The following ZDHHC11B variants were observed in gnomAD, a reference collection of about 807,000 sequenced individuals.
ZDHHC11B encodes zDHHC palmitoyltransferase 11B (putative), also known as probable palmitoyltransferase ZDHHC11B.
ZDHHC11B carries 17 observed loss-of-function variants against 42.3 expected under a neutral mutation model. The ratio of observed to expected loss-of-function variants is 0.40; its 90% CI spans 0.27 to 0.60. The LOEUF (loss-of-function observed/expected upper bound fraction) is 0.60. Ranked by LOEUF, ZDHHC11B falls within the 20% of genes least tolerant of loss-of-function variation. The pLI, the probability that ZDHHC11B is intolerant of heterozygous loss-of-function variation, is 0.41. For synonymous variants in ZDHHC11B, 123 were observed against 193.5 expected, an observed-to-expected ratio of 0.64 and a Z score of 3.02; for missense variants, 262 against 463.2, an observed-to-expected ratio of 0.57 and a Z score of 3.99.
intron 10 of ZDHHC11B, 82 bp from the exon 11 acceptor site, chr5:733,921 G>A (rs112722347): frequency 1.1e-4 from 135 of 1,205,690 alleles, no homozygotes; most frequent in African/African-American, 1.1e-3. Context: ...GCACCGCGTC[G>A]TGTCAGCACC....
rs1354077452 is a variant in ZDHHC11B, at chr5:753,373, C to T, written c.503+1625G>A. On this transcript the variant is annotated intron_variant, in intron 6 of 13. Transcript: ENST00000508859. Reference sequence around the variant, plus strand: ...GTTGGCTGCTGCCTGGAGCTGAGGGCGCCCATGACCCCGGCCCTGCTCTCC... The same window carrying T: ...GTTGGCTGCTGCCTGGAGCTGAGGGTGCCCATGACCCCGGCCCTGCTCTCC... Among the ~76,000 whole-genome samples the T allele has an allele frequency of 2.1e-4, 27 of 130,740 alleles. 2 individuals are homozygous for T. Among genetic ancestry groups the T allele is most frequent in the African/African-American group, 5.2e-4 (21 of 40,146 alleles). 85.8% of individuals were successfully genotyped at this position (130,740 alleles called of 152,430 possible).
intron 1 of ZDHHC11B, among the ~76,000 whole-genome samples, chr5:776,859 G>C (rs1323673389): frequency 6.6e-6 from 1 of 151,862 alleles, no homozygotes; most frequent in Non-Finnish European, 1.5e-5. Context: ...TTTGGCAGAT[G>C]GTTCTTGTTT....
chr5:712,705 C>T (rs1439272785), intron 13 of ZDHHC11B, among the ~76,000 whole-genome samples: 2 of 151,208 alleles, frequency 1.3e-5, no homozygotes, highest in Admixed American at 6.6e-5. Context: ...GTCAGGAGAT[C>T]GAGACCTTCC....
chr5:776,444 G>T (rs1346349555), intron 1 of ZDHHC11B, among the ~76,000 whole-genome samples: 1 of 151,890 alleles, frequency 6.6e-6, no homozygotes, highest in Middle Eastern at 3.2e-3. Flanking sequence ...GAATGGCACA[G>T]CCCCAAGGGA....
chr5:748,111 T>C lies in ZDHHC11B; in HGVS notation c.784+293A>G, dbSNP rs1426254121. On this transcript the variant is annotated intron_variant, in intron 8 of 13. Transcript: ENST00000508859. ...TCCATTTTCTCTGAACATTTTAAAC[T>C]TGTTACTTCAAGCACCCGGCAGCGC... is the stretch of plus-strand genomic sequence containing the variant. 3.8e-6 allele frequency: 2 copies of C among 532,134 alleles called. 1 individual carries two copies. Among genetic ancestry groups the C allele is most frequent in the Non-Finnish European group, 6.5e-6 (2 of 309,030 alleles). The allele number at this position is 532,134 out of a possible 1,614,324, so 33.0% of individuals were successfully genotyped here.
rs556914837 is a variant in ZDHHC11B at position 716,792 on chromosome 5, G to A, written c.*7+9C>T. On this transcript the variant is annotated intron_variant, in intron 13 of 13. Transcript: ENST00000508859. Reference sequence around the variant, plus strand: ...ATTTCAACATGACCTGCACTGCCACGTATCTTACCCGAATCTCAGTCTTCA... The same window carrying A: ...ATTTCAACATGACCTGCACTGCCACATATCTTACCCGAATCTCAGTCTTCA... The A allele has an allele frequency of 1.2e-5, 20 of 1,612,840 alleles. 1 individual carries two copies. Among genetic ancestry groups the A allele is most frequent in the Admixed American group, 8.3e-5 (5 of 59,942 alleles).
chr5:777,786 C>A (rs1428784569), intron 1 of ZDHHC11B, among the ~76,000 whole-genome samples: 1 of 151,992 alleles, frequency 6.6e-6, no homozygotes, highest in Non-Finnish European at 1.5e-5. Flanking sequence ...CTGAGCCCCG[C>A]AGCAGGCGGA....
At position 743,112 on chromosome 5, in the gene ZDHHC11B, C is replaced by T. The variant is rs446932; in HGVS notation, c.901-1484G>A. On this transcript the variant is annotated intron_variant, in intron 9 of 13. Transcript: ENST00000508859. The stretch of plus-strand genomic sequence containing the variant: ...TATCCAATTGTTCTAGTACCACTTG[C>T]TGAACTATAATTTCTCCCTATTTAA... 8.6e-3 allele frequency among the ~76,000 whole-genome samples: 1,216 copies of T among 141,292 alleles called. 34 individuals carry two copies. Among genetic ancestry groups the T allele is most frequent in the East Asian group, 0.047 (216 of 4,638 alleles). The allele number at this position is 141,292 out of a possible 152,430, so 92.7% of individuals were successfully genotyped here.
At chr5:744,962 T>C (rs555757074) in intron 9 of ZDHHC11B, among the ~76,000 whole-genome samples, 5 of 147,260 alleles carry the variant, frequency 3.4e-5, no homozygotes, top group African/African-American at 1.2e-4. Context: ...TCCTTTCCTA[T>C]CTTTGCACTA....
intron 13 of ZDHHC11B, among the ~76,000 whole-genome samples, chr5:713,773 CT>C (rs559023449): frequency 2.0e-5 from 3 of 152,074 alleles, no homozygotes; most frequent in South Asian, 2.1e-4. Flanking sequence ...CTGATCCCCC[CT>C]GATTCCTTTG....
At chr5:732,550 A>AT in intron 11 of ZDHHC11B, 1 of 404,612 alleles carries the variant, frequency 2.5e-6, no homozygotes, top group Non-Finnish European at 5.0e-6. Context: ...AGTGCAGGCA[A>AT]GGGGCAAGTC....
rs1346375761 is a variant in ZDHHC11B, at chr5:756,420, G to A, written c.223-276C>T. On this transcript the variant is annotated intron_variant, in intron 4 of 13. Coordinates refer to ENST00000508859, the MANE Select transcript of ZDHHC11B (RefSeq NM_001351303.2). ...TGCACACACAGCCCTGCTCACCCAG[G>A]CCTAGAGAAGATGAGGCTACCCATC... 5.9e-5 allele frequency among the ~76,000 whole-genome samples: 9 copies of A among 151,618 alleles called. 1 individual carries two copies. Among genetic ancestry groups the A allele is most frequent in the Non-Finnish European group, 1.2e-4 (8 of 67,846 alleles).
intron 4 of ZDHHC11B, among the ~76,000 whole-genome samples, chr5:766,042 G>A (rs556251785): frequency 6.6e-6 from 1 of 152,010 alleles, no homozygotes; most frequent in African/African-American, 2.4e-5. Context: ...ACACATCCAT[G>A]TCTCAGTGAC....
At chr5:736,818 T>C (rs552048755) in intron 10 of ZDHHC11B, among the ~76,000 whole-genome samples, 2 of 128,538 alleles carry the variant, frequency 1.6e-5, no homozygotes, top group South Asian at 6.5e-4. Flanking sequence ...GCAAAAGTGA[T>C]GTTTAAAGGA....
rs1426988964 is a variant in ZDHHC11B at position 758,882 on chromosome 5, G to A, written c.223-2738C>T. Among the ~76,000 whole-genome samples the A allele has an allele frequency of 2.6e-5, 4 of 152,030 alleles. No homozygotes were observed. In the East Asian group the frequency reaches 5.8e-4, roughly 22 times the overall value. ...TGGGACATCCGTCACCCATAGGAAC[G>A]ATGCTGGTGACCTTAATTTGGCTAT... On this transcript the variant is annotated intron_variant, in intron 4 of 13. Transcript: ENST00000508859.
intron 4 of ZDHHC11B, among the ~76,000 whole-genome samples, chr5:759,729 T>A (rs1471406139): frequency 6.6e-6 from 1 of 151,866 alleles, no homozygotes; most frequent in Non-Finnish European, 1.5e-5. Context: ...CCTGGGGTCT[T>A]TATTCCAATT....
intron 12 of ZDHHC11B, among the ~76,000 whole-genome samples, chr5:721,103 CA>C (rs1330713127): frequency 2.0e-5 from 3 of 150,130 alleles, no homozygotes; most frequent in South Asian, 4.2e-4. Flanking sequence ...AGTCCTGTCT[CA>C]AAAAAAAATC....
At chr5:745,651 T>G (rs1261875313) in intron 8 of ZDHHC11B, among the ~76,000 whole-genome samples, 1 of 150,074 alleles carries the variant, frequency 6.7e-6, no homozygotes, top group African/African-American at 2.4e-5. Flanking sequence ...CCTGAGAGGT[T>G]GCTCCAGATG....
Position 758,311 on chromosome 5 carries a change from G to C in ZDHHC11B, c.223-2167C>G, listed in dbSNP as rs571472247. Among the ~76,000 whole-genome samples, 66 of 152,040 alleles carry C rather than the reference G, an allele frequency of 4.3e-4. 2 individuals carry two copies. Among genetic ancestry groups the C allele is most frequent in the Admixed American group, 7.9e-4 (12 of 15,252 alleles). ...ACCAGTGGCAGGGAGGGTGGGGCCA[G>C]GCAGGGCCTCTGCACGAGCAGCAGG... On this transcript the variant is annotated intron_variant, in intron 4 of 13. Transcript: ENST00000508859.
Sources: gnomAD v4.1 joint callset for allele counts (sites outside exome capture counted in the v4.1 genomes callset) on GRCh38, gnomAD v4.1.1 for gene constraint, MANE v1.5 for transcripts, NCBI Gene and HGNC (gene_info 2026-07-23, HGNC 2026-07-21) for gene names.